OMA1: variants seen among roughly 807,000 people sequenced by gnomAD.
OMA1 encodes metalloendopeptidase OMA1, mitochondrial.
OMA1 carries 38 observed loss-of-function variants against 30.9 expected under a neutral mutation model. That is an observed-to-expected ratio of 1.23 (90% CI 0.95 to 1.61). The LOEUF (loss-of-function observed/expected upper bound fraction) is 1.61, where lower values mean the gene tolerates loss of function less well. OMA1 is among the 40% of genes most tolerant of loss of function. The pLI, the probability that OMA1 is intolerant of heterozygous loss-of-function variation, is 0.00. For missense variants in OMA1, 461 were observed against 349.2 expected, an observed-to-expected ratio of 1.32 and a Z score of -2.55; for synonymous variants, 173 against 121.9, an observed-to-expected ratio of 1.42 and a Z score of -2.76.
chr1:58,531,532 A>C (rs1646433422), intron 5 of OMA1, among the ~76,000 whole-genome samples: 1 of 152,198 alleles, frequency 6.6e-6, no homozygotes, highest in Non-Finnish European at 1.5e-5. Context: ...GTAATGCTGA[A>C]ACTGATAAAA....
chr1:58,492,333 C>T (rs934984680), intron 8 of OMA1, among the ~76,000 whole-genome samples: 7 of 151,706 alleles, frequency 4.6e-5, no homozygotes, highest in African/African-American at 1.5e-4. Context: ...AAATTGACAC[C>T]CTAACATCAC....
intron 3 of OMA1, 69 bp downstream of exon 3, chr1:58,536,444 A>G (rs920697231): frequency 2.7e-6 from 2 of 733,128 alleles, no homozygotes; most frequent in Admixed American, 4.7e-5. Flanking sequence ...TATCTTTCAC[A>G]TTTAAGATAC....
At chr1:58,481,716 G>C (rs1443754176) in intron 8 of OMA1, among the ~76,000 whole-genome samples, 1 of 152,134 alleles carries the variant, frequency 6.6e-6, no homozygotes, top group Non-Finnish European at 1.5e-5. Context: ...GGAGGTAACT[G>C]AATCATGGAG....
At chr1:58,488,558 T>A (rs1005974157) in intron 8 of OMA1, among the ~76,000 whole-genome samples, 1 of 152,180 alleles carries the variant, frequency 6.6e-6, no homozygotes, top group African/African-American at 2.4e-5. Context: ...TTCAAGCAAT[T>A]CTCCTGTGTC....
chr1:58,515,224 A>G (rs1156675664), intron 7 of OMA1, among the ~76,000 whole-genome samples: 1 of 152,222 alleles, frequency 6.6e-6, no homozygotes, highest in African/African-American at 2.4e-5. Flanking sequence ...TAAATGCAAC[A>G]TAATCTTGAG....
chr1:58,535,093 G>C (rs1646495684), intron 3 of OMA1, among the ~76,000 whole-genome samples: 5 of 152,092 alleles, frequency 3.3e-5, no homozygotes. Flanking sequence ...TTAATTTTAA[G>C]GTGTTTTACT....
intron 8 of OMA1, among the ~76,000 whole-genome samples, chr1:58,495,273 G>T (rs1322691104): frequency 3.3e-5 from 5 of 152,110 alleles, no homozygotes; most frequent in African/African-American, 9.7e-5. Flanking sequence ...CTGTTGTGGG[G>T]TGGGAGGAGG....
intron 7 of OMA1, among the ~76,000 whole-genome samples, chr1:58,525,637 G>A (rs55712302): frequency 0.12 from 17,688 of 152,038 alleles, 1,226 homozygotes; most frequent in African/African-American, 0.18. Flanking sequence ...CTAGTCAAGT[G>A]TCCCCAAATT....
intron 8 of OMA1, among the ~76,000 whole-genome samples, chr1:58,499,957 A>G (rs1364011548): frequency 6.6e-6 from 1 of 152,142 alleles, no homozygotes; most frequent in Non-Finnish European, 1.5e-5. Context: ...AAGTAAGTTT[A>G]AAAAAAGAAG....
At chr1:58,516,665 G>A (rs75943377) in intron 7 of OMA1, among the ~76,000 whole-genome samples, 4,093 of 152,278 alleles carry the variant, frequency 0.027, 177 homozygotes, top group African/African-American at 0.092. Flanking sequence ...TACTTTGAAA[G>A]AGGCTTCATG....
intron 7 of OMA1, among the ~76,000 whole-genome samples, chr1:58,517,667 A>G (rs576350187): frequency 6.6e-6 from 1 of 152,258 alleles, no homozygotes; most frequent in South Asian, 2.1e-4. Flanking sequence ...AATGTCATGA[A>G]GATATTATGT....
At chr1:58,499,509 A>G (rs1740337) in intron 8 of OMA1, among the ~76,000 whole-genome samples, 3,466 of 42,856 alleles carry the variant, frequency 0.081, 57 homozygotes, top group African/African-American at 0.13. Context: ...TAGATAGATA[A>G]ATAGATAGAT....
At chr1:58,526,018 C>A (rs566390519) in intron 7 of OMA1, among the ~76,000 whole-genome samples, 1 of 152,010 alleles carries the variant, frequency 6.6e-6, no homozygotes, top group African/African-American at 2.4e-5. Flanking sequence ...AAAGATGTTG[C>A]CCTCTTCCTC....
At chr1:58,484,315 T>C (rs10489816) in intron 8 of OMA1, among the ~76,000 whole-genome samples, 12,293 of 152,292 alleles carry the variant, frequency 0.081, 523 homozygotes, top group Middle Eastern at 0.16. Context: ...TTTGGAGATA[T>C]GTGAAGTCTA....
Position 58,539,178 on chromosome 1 carries a change from A to G in OMA1, c.117T>C (p.His39=). The change falls in exon 2 of 9, where the codon CAT becomes CAC. Residue 39 remains histidine, a synonymous_variant. Coordinates refer to ENST00000371226, the MANE Select transcript of OMA1 (RefSeq NM_145243.5). ...TTACTATATGGTTAACTTGTACTTG[A>G]TGACAGCCCCGTGAGGTGGATGCTA... is the stretch of plus-strand genomic sequence containing the variant. ...NTLASTSRGC[H]QVQVNHIVNK... 1.1e-6 allele frequency: 1 copy of G among 872,958 alleles called. No homozygotes were observed. Among genetic ancestry groups the G allele is most frequent in the South Asian group, 1.3e-5 (1 of 76,544 alleles). 54.1% of individuals were successfully genotyped at this position (872,958 alleles called of 1,614,324 possible). A position where few individuals can be genotyped will look rare whatever the true frequency, so the allele number is the denominator to read the frequency against.
At position 58,536,704 on chromosome 1, in the gene OMA1, T is replaced by C; in HGVS notation, c.538A>G (p.Lys180Glu). The C allele has an allele frequency of 1.1e-6, 1 of 872,762 alleles. No individual in the cohort carries two copies. Among genetic ancestry groups the C allele is most frequent in the Non-Finnish European group, 2.0e-6 (1 of 501,568 alleles). 54.1% of individuals were successfully genotyped at this position (872,762 alleles called of 1,614,324 possible). The change falls in exon 3 of 9, where the codon AAG becomes GAG. Residue 180 changes from lysine to glutamate, a missense_variant. Transcript: ENST00000371226. ...ATATTTTCTTTAACTACTTCCTTCT[T>C]GTTAGGAGGAAGTGCCTGCCACCAT... ...RKWWQALPPN[K>E]KEVVKENIRK...
chr1:58,535,527 T>C (rs1569971239), intron 3 of OMA1, among the ~76,000 whole-genome samples: 2 of 140,118 alleles, frequency 1.4e-5, no homozygotes, highest in Non-Finnish European at 3.0e-5. Flanking sequence ...ACCTGTAAGG[T>C]GGAGGTTGCA....
chr1:58,492,890 G>A (rs1178433487), intron 8 of OMA1, among the ~76,000 whole-genome samples: 1 of 152,174 alleles, frequency 6.6e-6, no homozygotes, highest in South Asian at 2.1e-4. Context: ...AACAGAAAAA[G>A]AGAGAATCCT....
intron 8 of OMA1, among the ~76,000 whole-genome samples, chr1:58,482,228 T>C (rs1645499659): frequency 6.6e-6 from 1 of 152,092 alleles, no homozygotes; most frequent in South Asian, 2.1e-4. Flanking sequence ...TTACGTCTCA[T>C]CCTGTAAGGT....
Sources: gnomAD v4.1 joint callset for allele counts (sites outside exome capture counted in the v4.1 genomes callset) on GRCh38, gnomAD v4.1.1 for gene constraint, MANE v1.5 for transcripts, NCBI Gene and HGNC (gene_info 2026-07-23, HGNC 2026-07-21) for gene names.